Variants in EPHB1 observed in about 807,000 individuals in gnomAD.
The protein encoded by EPHB1 is ephrin type-B receptor 1.
Under a neutral mutation model 94.4 loss-of-function variants are expected in EPHB1, and 30 were observed. The ratio of observed to expected loss-of-function variants is 0.32; its 90% CI spans 0.24 to 0.43. The LOEUF (loss-of-function observed/expected upper bound fraction) is 0.43. EPHB1 is among the 20% of genes least tolerant of loss of function. The probability of loss-of-function intolerance (pLI) is 1.00; values close to 1 mark genes in which losing one functional copy is unlikely to be tolerated. For missense variants in EPHB1, 1,055 were observed against 1,308.3 expected (o/e 0.81, Z 2.99); for synonymous variants, 522 against 489.1 (o/e 1.07, Z -0.89).
intron 12 of EPHB1, among the ~76,000 whole-genome samples, chr3:135,207,073 C>G (rs1501211): frequency 0.19 from 28,660 of 152,156 alleles, 3,327 homozygotes; most frequent in Non-Finnish European, 0.24. Context: ...TTTCAATGAT[C>G]CTAAGTCACC....
chr3:134,963,035 G>A (rs1322066067), intron 3 of EPHB1, among the ~76,000 whole-genome samples: 1 of 151,960 alleles, frequency 6.6e-6, no homozygotes, highest in Non-Finnish European at 1.5e-5. Flanking sequence ...CTCTGTGGCA[G>A]CTCTTTCTAT....
intron 3 of EPHB1, among the ~76,000 whole-genome samples, chr3:134,981,400 A>G (rs1934398208): frequency 6.6e-6 from 1 of 152,220 alleles, no homozygotes; most frequent in Non-Finnish European, 1.5e-5. Context: ...GTCATTTGGC[A>G]GAAGGAAAGG....
chr3:135,049,023 G>C (rs1324385387), intron 3 of EPHB1, among the ~76,000 whole-genome samples: 1 of 152,120 alleles, frequency 6.6e-6, no homozygotes, highest in Non-Finnish European at 1.5e-5. Flanking sequence ...GGTGCCTTTG[G>C]CCATCACAGT....
At chr3:134,809,705 T>C (rs1458799947) in intron 1 of EPHB1, among the ~76,000 whole-genome samples, 1 of 152,198 alleles carries the variant, frequency 6.6e-6, no homozygotes. Context: ...ACTAACAGCA[T>C]CACGTGGATT....
chr3:135,116,200 C>T lies in EPHB1; in HGVS notation c.961+9597C>T, dbSNP rs555816787. On this transcript the variant is annotated intron_variant, in intron 4 of 15. Coordinates refer to ENST00000398015, the MANE Select transcript of EPHB1 (RefSeq NM_004441.5). ...CTGCACTCCAACCTGGGCAACAGAGCGAGACTCTGTCTCAAAACAAAAACA... is the reference window on the plus strand; with the variant it reads ...CTGCACTCCAACCTGGGCAACAGAGTGAGACTCTGTCTCAAAACAAAAACA... Among the ~76,000 whole-genome samples, 3 of 152,216 alleles carry T rather than the reference C, an allele frequency of 2.0e-5. No homozygotes were observed. The East Asian group carries it at 5.8e-4, about 29-fold the overall frequency.
In EPHB1 at chr3:135,132,703, T is replaced by C. The variant is rs2107687090; in HGVS notation, c.962-11T>C. The C allele has an allele frequency of 6.4e-7, 1 of 1,561,640 alleles. No individual in the cohort carries two copies. The highest frequency in any genetic ancestry group is 1.2e-5 in the South Asian group (1 of 82,002). On this transcript the variant is annotated splice_polypyrimidine_tract_variant and intron_variant, in intron 4 of 15. Transcript: ENST00000398015. ...GTCTAGCCTCACTGGACCTTCTTTG[T>C]CTCCCTGCAGGCGTCCCATCAGGTC...
intron 9 of EPHB1, among the ~76,000 whole-genome samples, chr3:135,174,121 C>CA (rs1941900678): frequency 6.6e-6 from 1 of 152,218 alleles, no homozygotes; most frequent in Non-Finnish European, 1.5e-5. Flanking sequence ...TTCCCCACAG[C>CA]ACTGCATGCA....
intron 4 of EPHB1, among the ~76,000 whole-genome samples, chr3:135,109,983 G>C (rs1367187082): frequency 6.6e-6 from 1 of 152,200 alleles, no homozygotes; most frequent in Non-Finnish European, 1.5e-5. Context: ...GAGGTGAACA[G>C]CAATGTGAAA....
At chr3:135,215,167 T>TC (rs1943118072) in intron 12 of EPHB1, among the ~76,000 whole-genome samples, 1 of 151,994 alleles carries the variant, frequency 6.6e-6, no homozygotes, top group East Asian at 1.9e-4. Context: ...TTTTCTTTTT[T>TC]CTTTTTTTTT....
rs200791601 is a variant in EPHB1, at chr3:135,099,100, TTTG to T, written c.806-7339_806-7337del. 1.2e-3 allele frequency among the ~76,000 whole-genome samples: 128 copies of T among 104,514 alleles called. 3 individuals are homozygous for T. In the East Asian group the frequency reaches 0.048, roughly 39 times the overall value. 68.6% of individuals were successfully genotyped at this position (104,514 alleles called of 152,430 possible). A position where few individuals can be genotyped will look rare whatever the true frequency, so the allele number is the denominator to read the frequency against. On this transcript the variant is annotated intron_variant, in intron 3 of 15. Coordinates refer to ENST00000398015, the MANE Select transcript of EPHB1 (RefSeq NM_004441.5). Reference sequence around the variant, plus strand: ...CACATTCTCTAATATTAATATCATATTTGTTGTTGTTATTATTATTATCATCAC... The same window carrying T: ...CACATTCTCTAATATTAATATCATATTTGTTGTTATTATTATTATCATCAC...
intron 1 of EPHB1, among the ~76,000 whole-genome samples, chr3:134,869,292 C>T (rs908205768): frequency 6.6e-6 from 1 of 152,188 alleles, no homozygotes; most frequent in African/African-American, 2.4e-5. Flanking sequence ...GAGGATTAAA[C>T]AGTGCCGTGG....
At chr3:134,995,547 GC>G (rs1454711826) in intron 3 of EPHB1, among the ~76,000 whole-genome samples, 3 of 152,110 alleles carry the variant, frequency 2.0e-5, no homozygotes, top group Non-Finnish European at 4.4e-5. Flanking sequence ...AACATCATTA[GC>G]CATTAGAAAA....
At chr3:135,245,512 T>TAAAA (rs1943896136) in intron 13 of EPHB1, among the ~76,000 whole-genome samples, 1 of 19,794 alleles carries the variant, frequency 5.1e-5, no homozygotes, top group Non-Finnish European at 1.2e-4. Flanking sequence ...AGAACAGTCT[T>TAAAA]CAAAAAAAAA....
At chr3:134,885,868 C>T (rs188821066) in intron 1 of EPHB1, among the ~76,000 whole-genome samples, 207 of 152,212 alleles carry the variant, frequency 1.4e-3, no homozygotes, top group Non-Finnish European at 1.9e-3. Flanking sequence ...CAGTGTGGTG[C>T]GTGTGAGCCT....
intron 1 of EPHB1, among the ~76,000 whole-genome samples, chr3:134,841,030 G>A (rs930168436): frequency 2.6e-5 from 4 of 152,156 alleles, no homozygotes; most frequent in Admixed American, 2.0e-4. Context: ...CTTCTTCTGG[G>A]GTATGGGCCC....
intron 13 of EPHB1, among the ~76,000 whole-genome samples, chr3:135,242,436 G>A (rs955710997): frequency 1.3e-5 from 2 of 152,142 alleles, no homozygotes; most frequent in Non-Finnish European, 2.9e-5. Context: ...CCTGTGAAAG[G>A]TTTAGTGCCA....
At chr3:135,119,155 T>C (rs1477582806) in intron 4 of EPHB1, among the ~76,000 whole-genome samples, 1 of 152,232 alleles carries the variant, frequency 6.6e-6, no homozygotes, top group Non-Finnish European at 1.5e-5. Flanking sequence ...TTGACCAATT[T>C]AGTCTTCTGG....
At chr3:134,931,658 C>T (rs1363892479) in intron 2 of EPHB1, among the ~76,000 whole-genome samples, 1 of 152,164 alleles carries the variant, frequency 6.6e-6, no homozygotes, top group African/African-American at 2.4e-5. Context: ...CGAAGCCAAG[C>T]CTCATGAACC....
chr3:135,183,034 C>CTTTCTTTTCTTTTCT (rs1559865268), intron 10 of EPHB1, among the ~76,000 whole-genome samples: 6 of 62,492 alleles, frequency 9.6e-5, no homozygotes, highest in Non-Finnish European at 2.0e-4. Flanking sequence ...TCTTTTCTTT[C>CTTTCTTTTCTTTTCT]TTTCTTTCTT....
Sources: gnomAD v4.1 joint callset for allele counts (sites outside exome capture counted in the v4.1 genomes callset) on GRCh38, gnomAD v4.1.1 for gene constraint, MANE v1.5 for transcripts, NCBI Gene and HGNC (gene_info 2026-07-23, HGNC 2026-07-21) for gene names.